Variants in AKAP8L observed in about 807,000 individuals in gnomAD.
AKAP8L encodes A-kinase anchor protein 8-like.
In AKAP8L, 34 loss-of-function variants were observed where a neutral mutation model predicts 77.5. The observed-to-expected ratio is 0.44, with a 90% confidence interval of 0.33 to 0.58. The LOEUF is 0.58. Ranked by LOEUF, AKAP8L falls within the 20% of genes least tolerant of loss-of-function variation. The pLI is 0.02. For missense variants in AKAP8L, 806 were observed against 887.6 expected (o/e 0.91, Z 1.17); for synonymous variants, 342 against 340.7 (o/e 1.00, Z -0.04).
chr19:15,400,102 TG>T, intron 8 of AKAP8L, 192 bp downstream of exon 8: 1 of 621,006 alleles, frequency 1.6e-6, no homozygotes, highest in Non-Finnish European at 2.8e-6. Context: ...AGCCTCCGCC[TG>T]GGAAGGAGGA....
In AKAP8L at chr19:15,398,090, C is replaced by T; in HGVS notation, c.1158-235G>A. The T allele has an allele frequency of 1.8e-6, 1 of 540,620 alleles. No individual in the cohort carries two copies. The highest frequency in any genetic ancestry group is 3.3e-6 in the Non-Finnish European group (1 of 302,236). 33.5% of individuals were successfully genotyped at this position (540,620 alleles called of 1,614,324 possible). On this transcript the variant is annotated intron_variant, in intron 9 of 13. Coordinates refer to ENST00000397410, the MANE Select transcript of AKAP8L (RefSeq NM_014371.4). The surrounding 1 kb of genome is among the most constrained non-coding windows in gnomAD (Gnocchi z 9.2). ...ACAGGGGAGGAGCTCTTCCTTCCCACAGGCAGGAGGCTGAAGCCTGAGACA... is the reference window on the plus strand; with the variant it reads ...ACAGGGGAGGAGCTCTTCCTTCCCATAGGCAGGAGGCTGAAGCCTGAGACA...
intron 12 of AKAP8L, among the ~76,000 whole-genome samples, chr19:15,387,296 G>GTGAGA (rs1967559183): frequency 6.6e-6 from 1 of 152,322 alleles, no homozygotes; most frequent in South Asian, 2.1e-4. Context: ...TCTGCCCACA[G>GTGAGA]TGAGAGCACG....
At chr19:15,385,121 G>A (rs4808301) in intron 12 of AKAP8L, among the ~76,000 whole-genome samples, 115,528 of 151,580 alleles carry the variant, frequency 0.76, 44,282 homozygotes, top group East Asian at 0.99. Flanking sequence ...GGGACTACAG[G>A]CGCCCACCAC....
chr19:15,403,257 A>G lies in AKAP8L; in HGVS notation c.362+218T>C, dbSNP rs2145135912. 3.5e-6 allele frequency: 2 copies of G among 573,622 alleles called. No homozygotes were observed. The highest frequency in any genetic ancestry group is 5.9e-5 in the East Asian group (2 of 33,770). 35.5% of individuals were successfully genotyped at this position (573,622 alleles called of 1,614,324 possible). The stretch of plus-strand genomic sequence containing the variant: ...CTTGTTCCTCTCACCGCAAGCTGGG[A>G]AAGGCTGACCACCAGGCAGTGCGGC... On this transcript the variant is annotated intron_variant, in intron 4 of 13. Transcript: ENST00000397410. This position sits in a 1 kb window ranked among gnomAD's most constrained non-coding sequence, Gnocchi z 4.3.
At chr19:15,380,880 A>T (rs1967397882) in intron 12 of AKAP8L, 1 of 478,798 alleles carries the variant, frequency 2.1e-6, no homozygotes, top group Admixed American at 3.5e-5. Flanking sequence ...CAGAAATCTG[A>T]TTTGCTTACA....
rs1967904224 is a variant in AKAP8L, at chr19:15,401,661, C to T, written c.363-58G>A. On this transcript the variant is annotated intron_variant, in intron 4 of 13. Transcript: ENST00000397410. This position sits in a 1 kb window ranked among gnomAD's most constrained non-coding sequence, Gnocchi z 6.2. ...CCCCTCAGGATCCCTCACCTCCAGG[C>T]AACTGCTCCTGCCCTCCCCAATCTC... is the stretch of plus-strand genomic sequence containing the variant. 1.4e-6 allele frequency: 2 copies of T among 1,381,540 alleles called. No homozygotes were observed. The highest frequency in any genetic ancestry group is 5.0e-5 in the East Asian group (2 of 39,894). The allele number at this position is 1,381,540 out of a possible 1,614,324, so 85.6% of individuals were successfully genotyped here.
At position 15,400,676 on chromosome 19, in the gene AKAP8L, C is replaced by T. The variant is rs1967874011; in HGVS notation, c.984+118G>A. The T allele has an allele frequency of 4.7e-6, 6 of 1,263,176 alleles. No homozygotes were observed. The Admixed American group carries it at 7.8e-5, about 17-fold the overall frequency. The allele number at this position is 1,263,176 out of a possible 1,614,324, so 78.2% of individuals were successfully genotyped here. On this transcript the variant is annotated intron_variant, in intron 7 of 13. Coordinates refer to ENST00000397410, the MANE Select transcript of AKAP8L (RefSeq NM_014371.4). Reference sequence around the variant, plus strand: ...TGCCAGACCACACTGCCTCCCCATGCTGGTCACCATGCACGCAGAGCTGAC... The same window carrying T: ...TGCCAGACCACACTGCCTCCCCATGTTGGTCACCATGCACGCAGAGCTGAC...
intron 12 of AKAP8L, among the ~76,000 whole-genome samples, chr19:15,391,518 TATG>T (rs1239142208): frequency 9.6e-3 from 67 of 6,952 alleles, no homozygotes; most frequent in East Asian, 0.25. Context: ...AACATTATTT[TATG>T]TTTTTATTTT....
Position 15,410,552 on chromosome 19 carries a change from G to C in AKAP8L, c.56C>G (p.Ser19Trp), listed in dbSNP as rs866884188. 6.3e-7 allele frequency: 1 copy of C among 1,592,256 alleles called. No homozygotes were observed. The highest frequency in any genetic ancestry group is 2.3e-5 in the East Asian group (1 of 44,184). Residue 19 changes from serine to tryptophan, a missense_variant, in exon 2 of 14, where the codon TCG (serine) becomes TGG (tryptophan). By Grantham distance (177) the Ser-to-Trp change is radical (BLOSUM62 -3). Around this residue, in one of 2 missense-constraint regions of AKAP8L, gnomAD observed 580 missense variants for 694.1 expected, o/e 0.84. Coordinates refer to ENST00000397410, the MANE Select transcript of AKAP8L (RefSeq NM_014371.4). ...GSETTLQSTYSDTSAQPTCDY... is the reference protein window; with the variant it reads ...GSETTLQSTYWDTSAQPTCDY... Reference sequence around the variant, plus strand: ...ACAGGTGGGCTGAGCGCTGGTATCCGAGTATGTCGACTGCAAAGTGGTTTC... The same window carrying C: ...ACAGGTGGGCTGAGCGCTGGTATCCCAGTATGTCGACTGCAAAGTGGTTTC...
At chr19:15,414,489 T>G (rs141613236) in intron 1 of AKAP8L, among the ~76,000 whole-genome samples, 2,709 of 152,174 alleles carry the variant, frequency 0.018, 46 homozygotes, top group Admixed American at 0.054. Context: ...TTCTTTTTTT[T>G]TTTGTTTGTT....
At chr19:15,395,751 G>A (rs925450661) in intron 12 of AKAP8L, among the ~76,000 whole-genome samples, 9 of 147,042 alleles carry the variant, frequency 6.1e-5, no homozygotes, top group African/African-American at 1.5e-4. Context: ...TTGGGAGGCC[G>A]AGGCGGGCGG....
In AKAP8L at chr19:15,399,079, C is replaced by T. The variant is rs983132729; in HGVS notation, c.1157+223G>A. On this transcript the variant is annotated intron_variant, in intron 9 of 13. Transcript: ENST00000397410. The surrounding 1 kb of genome is among the most constrained non-coding windows in gnomAD (Gnocchi z 6.1). ...AACGGTGCCGAGCGGTGTCAGGTCT[C>T]GGCCCACAGACGCCAGCGGTCGCCA... The T allele has an allele frequency of 1.2e-5, 7 of 570,838 alleles. No individual in the cohort carries two copies. The highest frequency in any genetic ancestry group is 3.8e-5 in the African/African-American group (2 of 52,884). The allele number at this position is 570,838 out of a possible 1,614,324, so 35.4% of individuals were successfully genotyped here. A position where few individuals can be genotyped will look rare whatever the true frequency, so the allele number is the denominator to read the frequency against.
chr19:15,398,845 G>T lies in AKAP8L; in HGVS notation c.1157+457C>A. ...CCCGGCCTGACAGGGCCGGCGGGCA[G>T]GGCAGAAGGCAGGCCCGAGGCTGCC... is the stretch of plus-strand genomic sequence containing the variant. On this transcript the variant is annotated intron_variant, in intron 9 of 13. Transcript: ENST00000397410. The surrounding 1 kb of genome is among the most constrained non-coding windows in gnomAD (Gnocchi z 9.2). The T allele has an allele frequency of 9.8e-7, 1 of 1,015,614 alleles. No homozygotes were observed. Among genetic ancestry groups the T allele is most frequent in the Non-Finnish European group, 1.2e-6 (1 of 845,054 alleles). The allele number at this position is 1,015,614 out of a possible 1,614,324, so 62.9% of individuals were successfully genotyped here.
At chr19:15,389,543 C>T (rs751015884) in intron 12 of AKAP8L, among the ~76,000 whole-genome samples, 9 of 152,046 alleles carry the variant, frequency 5.9e-5, no homozygotes, top group Non-Finnish European at 7.4e-5. Context: ...GAGGCCGAGG[C>T]GGGCAGATCA....
In AKAP8L at chr19:15,397,949, G is replaced by A; in HGVS notation, c.1158-94C>T. On this transcript the variant is annotated intron_variant, in intron 9 of 13. Coordinates refer to ENST00000397410, the MANE Select transcript of AKAP8L (RefSeq NM_014371.4). The surrounding 1 kb of genome is among the most constrained non-coding windows in gnomAD (Gnocchi z 4.7). Reference sequence around the variant, plus strand: ...AACCCAGACACAAGCCCTGAAACAGGCCTTGCTCACGGGCCTCTGAAGTAC... The same window carrying A: ...AACCCAGACACAAGCCCTGAAACAGACCTTGCTCACGGGCCTCTGAAGTAC... 1 of 1,498,696 alleles carries A rather than the reference G, an allele frequency of 6.7e-7. No individual in the cohort carries two copies. The highest frequency in any genetic ancestry group is 1.2e-5 in the South Asian group (1 of 81,066). 92.8% of individuals were successfully genotyped at this position (1,498,696 alleles called of 1,614,324 possible). A position where few individuals can be genotyped will look rare whatever the true frequency, so the allele number is the denominator to read the frequency against.
chr19:15,401,033 T>C lies in AKAP8L; in HGVS notation c.827A>G (p.Lys276Arg). The C allele has an allele frequency of 6.2e-7, 1 of 1,613,338 alleles. No homozygotes were observed. Among genetic ancestry groups the C allele is most frequent in the Non-Finnish European group, 8.5e-7 (1 of 1,179,872 alleles). Residue 276 changes from lysine to arginine, a missense_variant, in exon 6 of 14, where the codon AAG (lysine) becomes AGG (arginine). Physicochemically the swap from Lys to Arg is conservative, Grantham distance 26. Transcript: ENST00000397410. The surrounding 1 kb of genome is among the most constrained non-coding windows in gnomAD (Gnocchi z 6.2). ...AGGACTGCCGCCCTGCTTTCTCTTC[T>C]TCTTCTTGGTCTGGGTCATAAGGGG... The part of the protein sequence containing the change: ...WTTADFRTKK[K>R]KRKQGGSPDE...
At chr19:15,387,488 G>A (rs963396135) in intron 12 of AKAP8L, among the ~76,000 whole-genome samples, 2 of 151,766 alleles carry the variant, frequency 1.3e-5, no homozygotes, top group Non-Finnish European at 2.9e-5. Flanking sequence ...AACACTGATA[G>A]CTTTGTCCTT....
At chr19:15,389,224 C>CA (rs376495541) in intron 12 of AKAP8L, among the ~76,000 whole-genome samples, 32 of 44,122 alleles carry the variant, frequency 7.3e-4, no homozygotes, top group South Asian at 1.5e-3. Flanking sequence ...GACTCCATCA[C>CA]AAAAAAAAAA....
chr19:15,414,514 A>G (rs1968167905), intron 1 of AKAP8L, among the ~76,000 whole-genome samples: 1 of 150,918 alleles, frequency 6.6e-6, no homozygotes, highest in Non-Finnish European at 1.5e-5. Flanking sequence ...TTTGAGACGG[A>G]GTCTCGCTCT....
Sources: allele counts gnomAD v4.1 joint callset (sites outside exome capture counted in the v4.1 genomes callset), GRCh38; gene constraint gnomAD v4.1.1; regional missense constraint gnomAD v4.1.1; non-coding constraint Gnocchi (gnomAD v3.1); transcripts MANE v1.5; gene names NCBI Gene and HGNC (gene_info 2026-07-23, HGNC 2026-07-21).